LRRC38: variants seen among roughly 807,000 people sequenced by gnomAD.
The protein encoded by LRRC38 is leucine-rich repeat-containing protein 38.
In LRRC38, 5 loss-of-function variants were observed where a neutral mutation model predicts 16.4. The observed-to-expected ratio is 0.31, with a 90% CI of 0.16 to 0.64. LRRC38 has a LOEUF of 0.64. Among genes scored for constraint, LRRC38 ranks in the 30% least tolerant of loss-of-function variants. The probability of loss-of-function intolerance (pLI) is 0.80; values close to 1 mark genes in which losing one functional copy is unlikely to be tolerated. For synonymous variants in LRRC38, 191 were observed against 190.2 expected (o/e 1.00, Z -0.04); for missense variants, 341 against 401.8 (o/e 0.85, Z 1.29).
intron 1 of LRRC38, among the ~76,000 whole-genome samples, chr1:13,506,451 T>C (rs1429976467): frequency 6.6e-6 from 1 of 152,092 alleles, no homozygotes; most frequent in Non-Finnish European, 1.5e-5. Context: ...GCATTTCTTT[T>C]TCTATTTTCT....
chr1:13,483,787 C>T (rs146490813), intron 1 of LRRC38, among the ~76,000 whole-genome samples: 7 of 152,266 alleles, frequency 4.6e-5, no homozygotes, highest in East Asian at 3.9e-4. Flanking sequence ...TACCTGGCCA[C>T]GTACGTGCTC....
chr1:13,476,742 G>C (rs1638793470), intron 1 of LRRC38, among the ~76,000 whole-genome samples: 1 of 152,218 alleles, frequency 6.6e-6, no homozygotes, highest in Non-Finnish European at 1.5e-5. Flanking sequence ...CTAGTAGCAG[G>C]GAGTGGAGGT....
At chr1:13,478,825 G>C (rs1382992363) in intron 1 of LRRC38, among the ~76,000 whole-genome samples, 1 of 152,092 alleles carries the variant, frequency 6.6e-6, no homozygotes, top group Non-Finnish European at 1.5e-5. Context: ...TAGTATCTGA[G>C]CATCCTCCTT....
At chr1:13,488,022 TTGTGTGTGTTTG>T (rs1431829362) in intron 1 of LRRC38, among the ~76,000 whole-genome samples, 2 of 95,792 alleles carry the variant, frequency 2.1e-5, no homozygotes, top group African/African-American at 4.1e-5. Flanking sequence ...CTTTTCTAGA[TTGTGTGTGTTTG>T]TGTGTGTGTG....
At chr1:13,510,846 C>A (rs2100528938) in intron 1 of LRRC38, among the ~76,000 whole-genome samples, 1 of 152,316 alleles carries the variant, frequency 6.6e-6, no homozygotes, top group Admixed American at 6.5e-5. Context: ...GATTATAAAC[C>A]TGAGTCCAAA....
chr1:13,490,678 T>C (rs947191988), intron 1 of LRRC38, among the ~76,000 whole-genome samples: 3 of 152,062 alleles, frequency 2.0e-5, no homozygotes, highest in African/African-American at 7.3e-5. Flanking sequence ...CTGGTGACTA[T>C]GGGTGATTTG....
intron 1 of LRRC38, among the ~76,000 whole-genome samples, chr1:13,502,069 A>AATTTTTT (rs1557503583): frequency 7.3e-5 from 11 of 149,942 alleles, no homozygotes; most frequent in African/African-American, 2.7e-4. Context: ...TGGGGACTAC[A>AATTTTTT]GGGGCACGCT....
intron 1 of LRRC38, 28 bp downstream of exon 1, chr1:13,512,935 C>T (rs1557507442): frequency 6.7e-7 from 1 of 1,490,334 alleles, no homozygotes; most frequent in South Asian, 1.2e-5. Flanking sequence ...CCCTCCCTCC[C>T]TCCCCCAGCC....
chr1:13,500,070 G>A (rs1639128061), intron 1 of LRRC38, among the ~76,000 whole-genome samples: 1 of 151,934 alleles, frequency 6.6e-6, no homozygotes, highest in African/African-American at 2.4e-5. Context: ...GGCCAGCATG[G>A]AGAAACCCCG....
intron 1 of LRRC38, among the ~76,000 whole-genome samples, chr1:13,491,050 C>G (rs1177879082): frequency 6.6e-6 from 1 of 152,222 alleles, no homozygotes; most frequent in Non-Finnish European, 1.5e-5. Flanking sequence ...TACCATTTAA[C>G]GTAACCCTCT....
chr1:13,489,180 G>A (rs769715542), intron 1 of LRRC38, among the ~76,000 whole-genome samples: 62 of 152,222 alleles, frequency 4.1e-4, no homozygotes, highest in Non-Finnish European at 8.1e-4. Flanking sequence ...ACTGGGCATT[G>A]GTCCCTCTGC....
At chr1:13,508,638 GCATTTCCC>G (rs1639239749) in intron 1 of LRRC38, among the ~76,000 whole-genome samples, 1 of 152,126 alleles carries the variant, frequency 6.6e-6, no homozygotes, top group Non-Finnish European at 1.5e-5. Flanking sequence ...GATACTTTCG[GCATTTCCC>G]CAGTCTAATA....
chr1:13,494,009 G>A (rs2100507221), intron 1 of LRRC38, among the ~76,000 whole-genome samples: 1 of 152,304 alleles, frequency 6.6e-6, no homozygotes, highest in East Asian at 1.9e-4. Flanking sequence ...GTTGCGGTGA[G>A]CCAAGATCGC....
intron 1 of LRRC38, among the ~76,000 whole-genome samples, chr1:13,509,210 A>G (rs1057169465): frequency 1.3e-5 from 2 of 152,070 alleles, no homozygotes; most frequent in Admixed American, 6.5e-5. Context: ...AAGGTTGTAG[A>G]GCGAGAGAAT....
intron 1 of LRRC38, among the ~76,000 whole-genome samples, chr1:13,488,468 C>T (rs1481943541): frequency 6.6e-6 from 1 of 152,016 alleles, no homozygotes; most frequent in African/African-American, 2.4e-5. Flanking sequence ...GATGGGGTTT[C>T]ACCATGTTGG....
chr1:13,512,039 C>G (rs370293425), intron 1 of LRRC38, among the ~76,000 whole-genome samples: 113 of 152,360 alleles, frequency 7.4e-4, no homozygotes, highest in African/African-American at 2.6e-3. Context: ...CTGCTGAAAT[C>G]TTGGGAGCAA....
At chr1:13,494,560 G>A (rs1359454935) in intron 1 of LRRC38, among the ~76,000 whole-genome samples, 1 of 152,164 alleles carries the variant, frequency 6.6e-6, no homozygotes, top group African/African-American at 2.4e-5. Context: ...GTTTGCCCAG[G>A]CTCACACAGC....
At chr1:13,485,713 G>C (rs764299289) in intron 1 of LRRC38, among the ~76,000 whole-genome samples, 2 of 152,218 alleles carry the variant, frequency 1.3e-5, no homozygotes, top group Non-Finnish European at 2.9e-5. Flanking sequence ...CCTGAGCCTG[G>C]AGTACTCAGG....
At chr1:13,499,005 G>A (rs940958629) in intron 1 of LRRC38, among the ~76,000 whole-genome samples, 4 of 152,080 alleles carry the variant, frequency 2.6e-5, no homozygotes, top group African/African-American at 9.7e-5. Context: ...GCCTTCTCCC[G>A]GTGTGCGTGT....
Sources: gnomAD v4.1 joint callset for allele counts (sites outside exome capture counted in the v4.1 genomes callset) on GRCh38, gnomAD v4.1.1 for gene constraint, MANE v1.5 for transcripts, NCBI Gene and HGNC (gene_info 2026-07-23, HGNC 2026-07-21) for gene names.